DLGAP1: variants seen among roughly 807,000 people sequenced by gnomAD.
DLGAP1 encodes disks large-associated protein 1.
DLGAP1 carries 11 observed loss-of-function variants against 90.8 expected under a neutral mutation model. The observed-to-expected ratio is 0.12, with a 90% CI of 0.08 to 0.20. The LOEUF (loss-of-function observed/expected upper bound fraction) is 0.20, where lower values mean the gene tolerates loss of function less well. Among genes scored for constraint, DLGAP1 ranks in the 10% least tolerant of loss-of-function variants. DLGAP1 has a pLI of 1.00. For missense variants in DLGAP1, 1,050 were observed against 1,333.8 expected, an observed-to-expected ratio of 0.79 and a Z score of 3.31; for synonymous variants, 558 against 540.7, an observed-to-expected ratio of 1.03 and a Z score of -0.44.
chr18:4,447,167 C>T (rs1312179395), intron 1 of DLGAP1, among the ~76,000 whole-genome samples: 1 of 152,176 alleles, frequency 6.6e-6, no homozygotes, highest in Non-Finnish European at 1.5e-5. Flanking sequence ...CCCCCTCCAC[C>T]CTAATCAGAG....
chr18:4,119,581 C>A (rs114655892), intron 2 of DLGAP1, among the ~76,000 whole-genome samples: 1 of 152,104 alleles, frequency 6.6e-6, no homozygotes, highest in Non-Finnish European at 1.5e-5. Context: ...ATACGGAATA[C>A]GGTGAGGATG....
intron 2 of DLGAP1, among the ~76,000 whole-genome samples, chr18:4,052,276 C>T (rs535850630): frequency 6.6e-6 from 1 of 152,288 alleles, no homozygotes; most frequent in Admixed American, 6.5e-5. Flanking sequence ...GGGATCTGCC[C>T]CTGCAGTAAA....
chr18:4,185,956 C>G (rs2077286491), intron 1 of DLGAP1, among the ~76,000 whole-genome samples: 1 of 152,108 alleles, frequency 6.6e-6, no homozygotes, highest in Admixed American at 6.6e-5. Flanking sequence ...TGTTTTTTGA[C>G]TTTTTAATAA....
chr18:3,751,755 G>C (rs957193127), intron 5 of DLGAP1, among the ~76,000 whole-genome samples: 64 of 151,954 alleles, frequency 4.2e-4, no homozygotes, highest in Admixed American at 1.6e-3. Flanking sequence ...AGTAGAGACA[G>C]GGTTTCACCA....
rs113395441 is a variant in DLGAP1 at position 4,153,502 on chromosome 18, T to C, written c.-266-2215A>G. On this transcript the variant is annotated intron_variant, in intron 1 of 12. Coordinates refer to ENST00000315677, the MANE Select transcript of DLGAP1 (RefSeq NM_004746.4). ...TTTCTTTTCTTTTCCTTACCCCAAG[T>C]GTCCCTCTTTTTAACTTTTTTCTTC... Among the ~76,000 whole-genome samples, 879 of 152,346 alleles carry C rather than the reference T, an allele frequency of 5.8e-3. 5 individuals are homozygous for C. The highest frequency in any genetic ancestry group is 0.018 in the African/African-American group (750 of 41,584).
chr18:3,613,578 A>G (rs1404506662), intron 7 of DLGAP1, among the ~76,000 whole-genome samples: 1 of 152,034 alleles, frequency 6.6e-6, no homozygotes, highest in Non-Finnish European at 1.5e-5. Context: ...GGCTCAAGCC[A>G]TCCTCCCACT....
Position 3,645,063 on chromosome 18 carries a change from T to C in DLGAP1, c.1592-62815A>G, listed in dbSNP as rs551262383. ...CCTGTTAAGGGGAATGGGAACTGTGTATTGAGTCAATGCATTTTTCCCTCG... is the reference window on the plus strand; with the variant it reads ...CCTGTTAAGGGGAATGGGAACTGTGCATTGAGTCAATGCATTTTTCCCTCG... On this transcript the variant is annotated intron_variant, in intron 7 of 12. Coordinates refer to ENST00000315677, the MANE Select transcript of DLGAP1 (RefSeq NM_004746.4). Among the ~76,000 whole-genome samples, 13 of 152,336 alleles carry C rather than the reference T, an allele frequency of 8.5e-5. No homozygotes were observed. The South Asian group carries it at 2.5e-3, about 29-fold the overall frequency.
chr18:3,819,458 G>A (rs2067285965), intron 4 of DLGAP1, among the ~76,000 whole-genome samples: 1 of 152,050 alleles, frequency 6.6e-6, no homozygotes, highest in African/African-American at 2.4e-5. Flanking sequence ...TTAAAAATAT[G>A]TATGAGAAGA....
intron 1 of DLGAP1, among the ~76,000 whole-genome samples, chr18:4,354,102 T>C (rs577763891): frequency 2.6e-5 from 4 of 152,306 alleles, no homozygotes; most frequent in African/African-American, 7.2e-5. Context: ...GGCTCGTTAC[T>C]TTGAACTGCA....
At chr18:3,801,141 C>T (rs1223771671) in intron 5 of DLGAP1, among the ~76,000 whole-genome samples, 2 of 152,014 alleles carry the variant, frequency 1.3e-5, no homozygotes, top group African/African-American at 2.4e-5. Flanking sequence ...AGAACCCAGT[C>T]GTGTTGATGA....
At chr18:4,300,312 C>A (rs1347437835) in intron 1 of DLGAP1, among the ~76,000 whole-genome samples, 1 of 152,014 alleles carries the variant, frequency 6.6e-6, no homozygotes, top group African/African-American at 2.4e-5. Flanking sequence ...AAATTATGCA[C>A]ACAAAACATA....
At chr18:4,315,812 G>T (rs2143521229) in intron 1 of DLGAP1, among the ~76,000 whole-genome samples, 1 of 151,136 alleles carries the variant, frequency 6.6e-6, no homozygotes, top group Admixed American at 6.6e-5. Context: ...TAATTTTTTT[G>T]ACTCTGAAGC....
intron 8 of DLGAP1, among the ~76,000 whole-genome samples, chr18:3,569,235 C>CA (rs2054624358): frequency 6.6e-6 from 1 of 151,260 alleles, no homozygotes; most frequent in Admixed American, 6.6e-5. Flanking sequence ...CTCCTGACCT[C>CA]GTGATTTGAG....
chr18:4,154,226 A>G (rs925521932), intron 1 of DLGAP1, among the ~76,000 whole-genome samples: 3 of 130,430 alleles, frequency 2.3e-5, no homozygotes, highest in Non-Finnish European at 3.3e-5. Flanking sequence ...ACACCCGGCT[A>G]TTTTTTTTTT....
At chr18:4,074,155 A>G (rs2075491089) in intron 2 of DLGAP1, among the ~76,000 whole-genome samples, 1 of 152,162 alleles carries the variant, frequency 6.6e-6, no homozygotes, top group African/African-American at 2.4e-5. Context: ...AAGACCAATA[A>G]ACTAGGAGGC....
chr18:3,681,279 A>G (rs555968607), intron 7 of DLGAP1, among the ~76,000 whole-genome samples: 1 of 152,358 alleles, frequency 6.6e-6, no homozygotes, highest in Admixed American at 6.5e-5. Context: ...ATTTCTCATA[A>G]TAATTTGTGA....
intron 7 of DLGAP1, chr18:3,603,947 A>T (rs1330947174): frequency 1.3e-5 from 2 of 154,392 alleles, no homozygotes; most frequent in Non-Finnish European, 2.9e-5. Context: ...GAAGCTATGA[A>T]AAGAGGCAGG....
intron 3 of DLGAP1, among the ~76,000 whole-genome samples, chr18:3,972,000 A>C (rs1177787507): frequency 6.6e-6 from 1 of 152,214 alleles, no homozygotes; most frequent in Non-Finnish European, 1.5e-5. Context: ...TTGGGTTCTC[A>C]TCAGGAGACC....
intron 2 of DLGAP1, among the ~76,000 whole-genome samples, chr18:4,090,709 A>C (rs2075761122): frequency 6.6e-6 from 1 of 152,234 alleles, no homozygotes; most frequent in Non-Finnish European, 1.5e-5. Flanking sequence ...CTAGAACCAG[A>C]AATACCATCT....
Sources: allele counts gnomAD v4.1 joint callset (sites outside exome capture counted in the v4.1 genomes callset), GRCh38; gene constraint gnomAD v4.1.1; transcripts MANE v1.5; gene names NCBI Gene and HGNC (gene_info 2026-07-23, HGNC 2026-07-21).